BSPH1: variants seen among roughly 807,000 people sequenced by gnomAD.
BSPH1 encodes binder of sperm 1.
A neutral mutation model predicts 22.5 loss-of-function variants in BSPH1; 21 were observed. The ratio of observed to expected loss-of-function variants is 0.93; its 90% CI spans 0.66 to 1.35. The LOEUF (loss-of-function observed/expected upper bound fraction) is 1.35. Ranked by LOEUF, BSPH1 falls within the 40% of genes most tolerant of loss-of-function variation. BSPH1 has a pLI of 0.00. For missense variants in BSPH1, 141 were observed against 154.2 expected (o/e 0.91, Z 0.45); for synonymous variants, 42 against 53.6 (o/e 0.78, Z 0.95).
At chr19:47,977,528 C>G in intron 3 of BSPH1, 24 bp from the exon 4 acceptor site, 1 of 1,550,718 alleles carries the variant, frequency 6.4e-7, no homozygotes. Context: ...AATTCTTCCT[C>G]TGTTTCTGGG....
intron 5 of BSPH1, among the ~76,000 whole-genome samples, chr19:47,976,189 A>C (rs1300628314): frequency 6.6e-6 from 1 of 151,136 alleles, no homozygotes; most frequent in Non-Finnish European, 1.5e-5. Context: ...TCTCTCTTTC[A>C]TCACAACTCA....
chr19:47,974,844 C>G (rs1167261987), intron 5 of BSPH1, among the ~76,000 whole-genome samples: 1 of 152,084 alleles, frequency 6.6e-6, no homozygotes, highest in Non-Finnish European at 1.5e-5. Flanking sequence ...ACCCCCTACA[C>G]TAGCCAGACG....
rs1334369189 is a variant in BSPH1, at chr19:47,976,871, GGAA to G, written c.257-20_257-18del. On this transcript the variant is annotated intron_variant, in intron 4 of 5. Coordinates refer to ENST00000344839, the MANE Select transcript of BSPH1 (RefSeq NM_001128326.2). ...TTGCAAAATCTGCAGAGGAGGAAGAGGAAGAAGCAGAGTAAGAAACCTTTCTAA... is the reference window on the plus strand; with the variant it reads ...TTGCAAAATCTGCAGAGGAGGAAGAGGAAGCAGAGTAAGAAACCTTTCTAA... 1.0e-5 allele frequency: 16 copies of G among 1,550,324 alleles called. No individual in the cohort carries two copies. The highest frequency in any genetic ancestry group is 1.4e-5 in the Non-Finnish European group (16 of 1,146,510).
chr19:47,976,580 C>CAG, intron 5 of BSPH1, 130 bp downstream of exon 5: 1 of 598,388 alleles, frequency 1.7e-6, no homozygotes, highest in South Asian at 2.2e-5. Flanking sequence ...ACTCACATCC[C>CAG]AGAAAAAAAA....
Position 47,973,886 on chromosome 19 carries a change from C to T in BSPH1, c.*2+2824G>A, listed in dbSNP as rs111647258. On this transcript the variant is annotated intron_variant, in intron 5 of 5. Coordinates refer to ENST00000344839, the MANE Select transcript of BSPH1 (RefSeq NM_001128326.2). ...TGTTCACTTCTGGCTCCACGTTTATCCTTATGATCTTTCTTTTGCACATAC... is the reference window on the plus strand; with the variant it reads ...TGTTCACTTCTGGCTCCACGTTTATTCTTATGATCTTTCTTTTGCACATAC... Among the ~76,000 whole-genome samples, 72 of 152,276 alleles carry T rather than the reference C, an allele frequency of 4.7e-4. 1 individual carries two copies. The highest frequency in any genetic ancestry group is 1.7e-3 in the African/African-American group (71 of 41,558).
chr19:47,976,602 AAAAACCCTCTCTAATGAG>A, intron 5 of BSPH1, 90 bp downstream of exon 5: 1 of 810,994 alleles, frequency 1.2e-6, no homozygotes, highest in Non-Finnish European at 1.9e-6. Flanking sequence ...AAAAACAAAA[AAAAACCCTCTCTAATGAG>A]AAAGGGTTCT....
chr19:47,986,087 A>G (rs1426024043), intron 1 of BSPH1, among the ~76,000 whole-genome samples: 1 of 152,142 alleles, frequency 6.6e-6, no homozygotes, highest in Non-Finnish European at 1.5e-5. Flanking sequence ...CGAACAGACT[A>G]GGGAAAAAAA....
intron 1 of BSPH1, among the ~76,000 whole-genome samples, chr19:47,987,544 G>A (rs1232852198): frequency 6.6e-6 from 1 of 151,928 alleles, no homozygotes; most frequent in Non-Finnish European, 1.5e-5. Context: ...CACTACCATA[G>A]CTGGCTAATT....
chr19:47,987,837 C>CA (rs532429470), intron 1 of BSPH1, among the ~76,000 whole-genome samples: 155 of 151,876 alleles, frequency 1.0e-3, no homozygotes, highest in African/African-American at 3.6e-3. Flanking sequence ...ACCAAAATTA[C>CA]AAAAAAATTA....
chr19:47,988,734 A>G (rs1402049579), intron 1 of BSPH1, among the ~76,000 whole-genome samples: 1 of 152,150 alleles, frequency 6.6e-6, no homozygotes, highest in Admixed American at 6.6e-5. Flanking sequence ...TTCTGGGTGC[A>G]CGAAGCATGT....
At chr19:47,969,374 C>G (rs1234731715) in intron 5 of BSPH1, among the ~76,000 whole-genome samples, 1 of 152,056 alleles carries the variant, frequency 6.6e-6, no homozygotes, top group African/African-American at 2.4e-5. Flanking sequence ...TCCAAGTAAA[C>G]AGATCCTTTA....
rs1398910385 is a variant in BSPH1, at chr19:47,973,245, T to A, written c.*2+3465A>T. Among the ~76,000 whole-genome samples, 774 of 148,076 alleles carry A rather than the reference T, an allele frequency of 5.2e-3. 12 individuals are homozygous for A. Among genetic ancestry groups the A allele is most frequent in the African/African-American group, 0.018 (741 of 40,468 alleles). On this transcript the variant is annotated intron_variant, in intron 5 of 5. Transcript: ENST00000344839. ...ATAATAATAATAATAATAATAATAA[T>A]AATAATAATAATAATAATGTAGGCA...
At chr19:47,975,649 A>ATTTTTTTTTTTTTTT (rs199878812) in intron 5 of BSPH1, among the ~76,000 whole-genome samples, 1 of 124,924 alleles carries the variant, frequency 8.0e-6, no homozygotes, top group African/African-American at 3.0e-5. Context: ...AAGGTAATGC[A>ATTTTTTTTTTTTTTT]TTTTTTTTTT....
chr19:47,983,461 G>C (rs967200073), intron 1 of BSPH1, among the ~76,000 whole-genome samples: 2 of 152,210 alleles, frequency 1.3e-5, no homozygotes, highest in Admixed American at 6.5e-5. Context: ...ATACAGACGA[G>C]TGATTCCAAC....
chr19:47,988,689 CA>C (rs1969494345), intron 1 of BSPH1, among the ~76,000 whole-genome samples: 1 of 152,070 alleles, frequency 6.6e-6, no homozygotes, highest in Admixed American at 6.6e-5. Context: ...CCTACCGCAC[CA>C]AAGCCTGAAC....
chr19:47,982,711 C>G (rs4802411), intron 1 of BSPH1, among the ~76,000 whole-genome samples: 1 of 151,976 alleles, frequency 6.6e-6, no homozygotes, highest in Non-Finnish European at 1.5e-5. Flanking sequence ...CCCACATGTC[C>G]GTGAGCAAAT....
intron 2 of BSPH1, 124 bp downstream of exon 2, chr19:47,980,797 C>T: frequency 1.6e-6 from 1 of 614,676 alleles, no homozygotes; most frequent in East Asian, 3.2e-5. Context: ...TATATAAGTA[C>T]ATAAAATAGT....
At chr19:47,974,270 T>TCTCTCTCTC (rs1555731039) in intron 5 of BSPH1, among the ~76,000 whole-genome samples, 1 of 50,496 alleles carries the variant, frequency 2.0e-5, no homozygotes, top group African/African-American at 2.4e-4. Context: ...TCTCTCTCTC[T>TCTCTCTCTC]TTTTTTTTTT....
At chr19:47,985,972 A>G (rs1356296544) in intron 1 of BSPH1, among the ~76,000 whole-genome samples, 1 of 152,188 alleles carries the variant, frequency 6.6e-6, no homozygotes, top group Non-Finnish European at 1.5e-5. Context: ...CGTCAACAGC[A>G]TATATTGGCA....
Sources: gnomAD v4.1 joint callset for allele counts (sites outside exome capture counted in the v4.1 genomes callset) on GRCh38, gnomAD v4.1.1 for gene constraint, MANE v1.5 for transcripts, NCBI Gene and HGNC (gene_info 2026-07-23, HGNC 2026-07-21) for gene names.